The following DYRK1A variants were observed in gnomAD, a reference collection of about 807,000 sequenced individuals.
The protein encoded by DYRK1A is dual specificity tyrosine-phosphorylation-regulated kinase 1A.
A neutral mutation model predicts 79.7 loss-of-function variants in DYRK1A; 9 were observed. The observed-to-expected ratio is 0.11, with a 90% CI of 0.07 to 0.20. The LOEUF (loss-of-function observed/expected upper bound fraction) is 0.20. Ranked by LOEUF, DYRK1A falls within the 10% of genes least tolerant of loss-of-function variation. The pLI, the probability that DYRK1A is intolerant of heterozygous loss-of-function variation, is 1.00. For missense variants in DYRK1A, 622 were observed against 956.0 expected, an observed-to-expected ratio of 0.65 and a Z score of 4.61; for synonymous variants, 349 against 329.7, an observed-to-expected ratio of 1.06 and a Z score of -0.63.
chr21:37,409,325 T>C (rs1022226414), intron 1 of DYRK1A, among the ~76,000 whole-genome samples: 1 of 152,204 alleles, frequency 6.6e-6, no homozygotes, highest in Non-Finnish European at 1.5e-5. Context: ...CAATAAGTGA[T>C]GGAGCCAGGA....
At chr21:37,471,341 C>G (rs1208285825) in intron 2 of DYRK1A, among the ~76,000 whole-genome samples, 2 of 152,136 alleles carry the variant, frequency 1.3e-5, no homozygotes, top group African/African-American at 4.8e-5. Flanking sequence ...TGGTGTCATT[C>G]CCTGTGGTGG....
chr21:37,446,186 T>C (rs1346084830), intron 2 of DYRK1A, among the ~76,000 whole-genome samples: 1 of 152,050 alleles, frequency 6.6e-6, no homozygotes, highest in Non-Finnish European at 1.5e-5. Flanking sequence ...CAACTGCAAG[T>C]TTGAAAAAGT....
At chr21:37,366,375 G>A (rs1435559754), upstream of DYRK1A, among the ~76,000 whole-genome samples, 4 of 145,068 alleles carry the variant, frequency 2.8e-5, no homozygotes, top group Non-Finnish European at 4.6e-5. Context: ...GCGGGAGGCC[G>A]CGCGCGCTCC....
At chr21:37,452,996 G>A (rs1406639156) in intron 2 of DYRK1A, among the ~76,000 whole-genome samples, 4 of 152,138 alleles carry the variant, frequency 2.6e-5, no homozygotes, top group South Asian at 4.1e-4. Flanking sequence ...TATAATCCCA[G>A]CATTTTGGGA....
chr21:37,383,073 C>T (rs186351087), intron 1 of DYRK1A, among the ~76,000 whole-genome samples: 66 of 152,292 alleles, frequency 4.3e-4, no homozygotes, highest in East Asian at 2.1e-3. Context: ...CTTTCCCCAC[C>T]GCTTTTGCAG....
intron 1 of DYRK1A, chr21:37,410,447 A>G (rs1200490987): frequency 2.0e-5 from 3 of 152,228 alleles, no homozygotes; most frequent in South Asian, 4.1e-4. Context: ...AGTTTTCATT[A>G]TATTTAGGAT....
At chr21:37,368,118 C>A (rs1034512241) in intron 1 of DYRK1A, 2 of 153,272 alleles carry the variant, frequency 1.3e-5, no homozygotes, top group African/African-American at 2.4e-5. Flanking sequence ...CGGGCCGGGC[C>A]GGGCGCCGGC....
At chr21:37,478,103 A>G in intron 3 of DYRK1A, 105 bp from the exon 4 acceptor site, 3 of 1,494,156 alleles carry the variant, frequency 2.0e-6, no homozygotes, top group South Asian at 2.5e-5. Flanking sequence ...TGTCTTTAAA[A>G]AAGTAGATAC....
intron 1 of DYRK1A, among the ~76,000 whole-genome samples, chr21:37,407,201 A>T (rs1236088047): frequency 6.6e-6 from 1 of 152,188 alleles, no homozygotes; most frequent in Non-Finnish European, 1.5e-5. Context: ...GTAGTGAGAT[A>T]TGTTGGGGAT....
Position 37,501,166 on chromosome 21 carries a change from G to GTTTT in DYRK1A, c.1213-4097_1213-4094dup, listed in dbSNP as rs34646709. Among the ~76,000 whole-genome samples the GTTTT allele has an allele frequency of 5.6e-4, 53 of 93,942 alleles. 1 individual carries two copies. The highest frequency in any genetic ancestry group is 1.1e-3 in the African/African-American group (24 of 21,352). The allele number at this position is 93,942 out of a possible 152,430, so 61.6% of individuals were successfully genotyped here. A position where few individuals can be genotyped will look rare whatever the true frequency, so the allele number is the denominator to read the frequency against. On this transcript the variant is annotated intron_variant, in intron 9 of 11. Coordinates refer to ENST00000647188, the MANE Select transcript of DYRK1A (RefSeq NM_001347721.2). ...TTATATGTTTTTTTTGTTGTTGTTG[G>GTTTT]TTTTTTTTTTTTTTTTTTTTTTTAA...
intron 2 of DYRK1A, chr21:37,429,004 C>T (rs949669017): frequency 2.0e-5 from 3 of 152,088 alleles, no homozygotes; most frequent in African/African-American, 7.2e-5. Context: ...TTAATGGTGC[C>T]TTCTTAGTTT....
Position 37,504,110 on chromosome 21 carries a change from C to G in DYRK1A, c.1213-1173C>G, listed in dbSNP as rs74710103. The G allele has an allele frequency of 9.1e-3, 1,387 of 152,312 alleles. 19 individuals are homozygous for G. The highest frequency in any genetic ancestry group is 0.032 in the African/African-American group (1,331 of 41,552). 9.4% of individuals were successfully genotyped at this position (152,312 alleles called of 1,614,324 possible). On this transcript the variant is annotated intron_variant, in intron 9 of 11. Transcript: ENST00000647188. The stretch of plus-strand genomic sequence containing the variant: ...GTAGCTTAGCTGACTCTGGGCTTTG[C>G]TTGTTTGACTTAGATTCTACTCCCC...
chr21:37,374,578 A>C (rs150550417), intron 1 of DYRK1A, among the ~76,000 whole-genome samples: 3,607 of 151,604 alleles, frequency 0.024, 118 homozygotes, highest in African/African-American at 0.081. Context: ...TTTGAGACAG[A>C]GTCTCGCTCT....
At position 37,525,125 on chromosome 21, in the gene DYRK1A, T is replaced by C. The variant is rs558096897; in HGVS notation, c.*12594T>C. The C allele has an allele frequency of 6.6e-6, 1 of 152,324 alleles. No homozygotes were observed. The highest frequency in any genetic ancestry group is 1.9e-4 in the East Asian group (1 of 5,186). The allele number at this position is 152,324 out of a possible 1,614,324, so 9.4% of individuals were successfully genotyped here. ...AAAACAAAAAGTTGAGAAAACGAATTCAGTACACCCTGAAGTGGAATCTGC... is the reference window on the plus strand; with the variant it reads ...AAAACAAAAAGTTGAGAAAACGAATCCAGTACACCCTGAAGTGGAATCTGC... On this transcript the variant is annotated 3_prime_UTR_variant, in exon 12 of 12. Transcript: ENST00000647188.
Position 37,410,609 on chromosome 21 carries a change from T to C in DYRK1A, c.-76-9690T>C, listed in dbSNP as rs9981736. The C allele has an allele frequency of 0.56, 84,839 of 152,080 alleles. 24,451 individuals are homozygous for C. Among genetic ancestry groups the C allele is most frequent in the African/African-American group, 0.71 (29,433 of 41,492 alleles). 9.4% of individuals were successfully genotyped at this position (152,080 alleles called of 1,614,324 possible). A position where few individuals can be genotyped will look rare whatever the true frequency, so the allele number is the denominator to read the frequency against. The stretch of plus-strand genomic sequence containing the variant: ...GCACGATCATAGGTGGTCACTACAG[T>C]CTCAGATTCCTGGGCTTAAGCAGTC... On this transcript the variant is annotated intron_variant, in intron 1 of 11. Transcript: ENST00000647188.
intron 1 of DYRK1A, among the ~76,000 whole-genome samples, chr21:37,401,188 C>T (rs1484210224): frequency 6.6e-6 from 1 of 151,832 alleles, no homozygotes; most frequent in African/African-American, 2.4e-5. Context: ...CTATATTTTT[C>T]TTATTGTGCT....
intron 9 of DYRK1A, chr21:37,501,294 C>A (rs1205204752): frequency 2.6e-5 from 4 of 151,822 alleles, no homozygotes; most frequent in Non-Finnish European, 5.9e-5. Flanking sequence ...CCTCAACCTC[C>A]CAAGTAGCTG....
intron 2 of DYRK1A, among the ~76,000 whole-genome samples, chr21:37,427,884 G>GTT (rs1276978977): frequency 6.6e-6 from 1 of 152,010 alleles, no homozygotes; most frequent in African/African-American, 2.4e-5. Flanking sequence ...TGTTACTCAT[G>GTT]TTTTTTGTGA....
At position 37,420,247 on chromosome 21, in the gene DYRK1A, G is replaced by C. The variant is rs570222423; in HGVS notation, c.-76-52G>C. 9.4e-5 allele frequency: 58 copies of C among 615,090 alleles called. No individual in the cohort carries two copies. The East Asian group carries it at 1.7e-3, about 18-fold the overall frequency. The allele number at this position is 615,090 out of a possible 1,614,324, so 38.1% of individuals were successfully genotyped here. On this transcript the variant is annotated intron_variant, in intron 1 of 11. Transcript: ENST00000647188. ...TTATGTTAGATATTCCTCAGTTGGG[G>C]TAATTGTCTTGCATCATTATCTCTT...
Sources: allele counts gnomAD v4.1 joint callset (sites outside exome capture counted in the v4.1 genomes callset), GRCh38; gene constraint gnomAD v4.1.1; transcripts MANE v1.5; gene names NCBI Gene and HGNC (gene_info 2026-07-23, HGNC 2026-07-21).